Variants in TPRG1 observed in about 807,000 individuals in gnomAD.
TPRG1 encodes tumor protein p63 regulated 1.
In TPRG1, 29 loss-of-function variants were observed where a neutral mutation model predicts 29.3. The observed-to-expected ratio is 0.99, with a 90% CI of 0.74 to 1.35. The LOEUF (loss-of-function observed/expected upper bound fraction) is 1.35. TPRG1 is among the 40% of genes most tolerant of loss of function. The probability of loss-of-function intolerance (pLI) is 0.00; values close to 1 mark genes in which losing one functional copy is unlikely to be tolerated. For synonymous variants in TPRG1, 130 were observed against 116.8 expected, an observed-to-expected ratio of 1.11 and a Z score of -0.73; for missense variants, 327 against 335.0, an observed-to-expected ratio of 0.98 and a Z score of 0.19.
chr3:189,003,468 A>G (rs1019993393), intron 2 of TPRG1, among the ~76,000 whole-genome samples: 1 of 152,172 alleles, frequency 6.6e-6, no homozygotes, highest in African/African-American at 2.4e-5. Flanking sequence ...CTAGGATTCC[A>G]GTTCTGTTCT....
Position 189,320,724 on chromosome 3 carries a change from A to G in TPRG1, c.732A>G (p.Glu244=), listed in dbSNP as rs1435533250. The change falls in exon 6 of 6, where the codon GAA becomes GAG. Residue 244 remains glutamate (E), a synonymous_variant. Coordinates refer to ENST00000345063, the MANE Select transcript of TPRG1 (RefSeq NM_198485.4). ...GRGKKLMVLT[E]PILIETYTGL... The stretch of plus-strand genomic sequence containing the variant: ...GAAAGAAACTGATGGTGTTAACTGA[A>G]CCCATTTTGATTGAGACCTACACAG... The G allele has an allele frequency of 6.4e-7, 1 of 1,574,648 alleles. No homozygotes were observed. Among genetic ancestry groups the G allele is most frequent in the Non-Finnish European group, 8.6e-7 (1 of 1,159,798 alleles).
At chr3:189,036,092 G>A (rs750167186) in intron 4 of TPRG1, among the ~76,000 whole-genome samples, 1 of 151,334 alleles carries the variant, frequency 6.6e-6, no homozygotes, top group Non-Finnish European at 1.5e-5. Flanking sequence ...ATGCACCTAT[G>A]AAAAAAAACA....
rs527965001 is a variant in TPRG1, at chr3:189,282,329, T to G, written c.480-28057T>G. 3.3e-5 allele frequency among the ~76,000 whole-genome samples: 5 copies of G among 152,008 alleles called. No homozygotes were observed. In the South Asian group the frequency reaches 8.3e-4, roughly 25 times the overall value. The stretch of plus-strand genomic sequence containing the variant: ...CAGGTGCTCCATAAGTCATATCTTG[T>G]AGGCGTTTGTTCTTTCAGCAAGCCA... On this transcript the variant is annotated intron_variant, in intron 4 of 5. Transcript: ENST00000345063.
intron 4 of TPRG1, among the ~76,000 whole-genome samples, chr3:189,274,353 A>G (rs1171954291): frequency 1.3e-5 from 2 of 152,194 alleles, no homozygotes; most frequent in African/African-American, 4.8e-5. Context: ...GTCCAGTTAC[A>G]TAAAATATTA....
chr3:189,094,330 T>C (rs942684005), intron 4 of TPRG1, among the ~76,000 whole-genome samples: 5 of 152,130 alleles, frequency 3.3e-5, no homozygotes, highest in Non-Finnish European at 7.4e-5. Context: ...TGAAGAGATG[T>C]TCTCCAGTAC....
At chr3:189,109,779 A>G (rs1720288300) in intron 1 of TPRG1, among the ~76,000 whole-genome samples, 1 of 152,154 alleles carries the variant, frequency 6.6e-6, no homozygotes, top group Non-Finnish European at 1.5e-5. Context: ...AACCACCACA[A>G]TCAACATGTA....
chr3:189,198,032 A>G (rs550987360), intron 1 of TPRG1, among the ~76,000 whole-genome samples: 1 of 152,348 alleles, frequency 6.6e-6, no homozygotes, highest in South Asian at 2.1e-4. Context: ...AGAAGCGAAT[A>G]CAGAGAAAGT....
chr3:189,064,983 G>A (rs1716343328), intron 4 of TPRG1, among the ~76,000 whole-genome samples: 1 of 152,112 alleles, frequency 6.6e-6, no homozygotes. Flanking sequence ...GAGATTAGGA[G>A]TTTGAGACCA....
At chr3:189,235,576 G>A (rs78207250) in intron 3 of TPRG1, among the ~76,000 whole-genome samples, 2,573 of 152,168 alleles carry the variant, frequency 0.017, 78 homozygotes, top group African/African-American at 0.059. Context: ...GGACAAGGGC[G>A]GAAAAAGACA....
chr3:189,289,919 T>C (rs540233622), intron 4 of TPRG1, among the ~76,000 whole-genome samples: 3 of 152,214 alleles, frequency 2.0e-5, no homozygotes, highest in Non-Finnish European at 4.4e-5. Flanking sequence ...AAACATGCCA[T>C]ATCTACCTGA....
Position 189,313,779 on chromosome 3 carries a change from G to C in TPRG1, c.633+3240G>C, listed in dbSNP as rs556029810. On this transcript the variant is annotated intron_variant, in intron 5 of 5. Coordinates refer to ENST00000345063, the MANE Select transcript of TPRG1 (RefSeq NM_198485.4). ...TTTGTGGAAGGCAGTGCTTAACAGG[G>C]GAGGCAGATAAAAATGCAAATATTT... is the stretch of plus-strand genomic sequence containing the variant. Among the ~76,000 whole-genome samples, 9 of 152,152 alleles carry C rather than the reference G, an allele frequency of 5.9e-5. No individual in the cohort carries two copies. The South Asian group carries it at 1.9e-3, about 32-fold the overall frequency.
At chr3:189,192,452 G>A (rs1271514993) in intron 1 of TPRG1, among the ~76,000 whole-genome samples, 2 of 152,210 alleles carry the variant, frequency 1.3e-5, no homozygotes, top group African/African-American at 2.4e-5. Context: ...TACTAGTGAA[G>A]AGGATGTGAA....
chr3:189,301,696 C>T (rs749834705), intron 4 of TPRG1, among the ~76,000 whole-genome samples: 1 of 152,198 alleles, frequency 6.6e-6, no homozygotes, highest in Non-Finnish European at 1.5e-5. Context: ...GGCCCAGCCC[C>T]ACTCTTGGCC....
intron 1 of TPRG1, among the ~76,000 whole-genome samples, chr3:189,119,035 G>A (rs4398422): frequency 0.43 from 65,816 of 152,184 alleles, 19,229 homozygotes; most frequent in African/African-American, 0.82. Flanking sequence ...CAGGCACTCA[G>A]TGGCAGCCCA....
At chr3:189,195,977 AAGAGT>A (rs1034074413) in intron 1 of TPRG1, among the ~76,000 whole-genome samples, 1 of 152,110 alleles carries the variant, frequency 6.6e-6, no homozygotes, top group African/African-American at 2.4e-5. Context: ...TGTCTTTGTA[AAGAGT>A]AGAGTGCTAG....
Position 189,317,180 on chromosome 3 carries a change from G to A in TPRG1, c.634-3446G>A, listed in dbSNP as rs550103526. ...GTAATCCAACTGGACAAGATTTACTGATCTATGAAAAGGCATCCTGATAAT... is the reference window on the plus strand; with the variant it reads ...GTAATCCAACTGGACAAGATTTACTAATCTATGAAAAGGCATCCTGATAAT... On this transcript the variant is annotated intron_variant, in intron 5 of 5. Transcript: ENST00000345063. Among the ~76,000 whole-genome samples the A allele has an allele frequency of 6.6e-5, 10 of 152,286 alleles. 1 individual carries two copies. In the South Asian group the frequency reaches 1.7e-3, roughly 25 times the overall value.
At chr3:189,128,212 G>C (rs1343628596) in intron 2 of TPRG1, among the ~76,000 whole-genome samples, 1 of 152,326 alleles carries the variant, frequency 6.6e-6, no homozygotes, top group Admixed American at 6.5e-5. Flanking sequence ...AGAGTCTTGT[G>C]ATAGATGAAC....
chr3:189,292,867 A>G (rs1719244930), intron 4 of TPRG1, among the ~76,000 whole-genome samples: 1 of 152,136 alleles, frequency 6.6e-6, no homozygotes, highest in Non-Finnish European at 1.5e-5. Flanking sequence ...GAAGGCTAGG[A>G]AGCATTGTTT....
intron 3 of TPRG1, among the ~76,000 whole-genome samples, chr3:189,014,487 G>A (rs1219300191): frequency 2.6e-5 from 4 of 151,974 alleles, no homozygotes; most frequent in Non-Finnish European, 4.4e-5. Flanking sequence ...GATGTGTCTT[G>A]GGGTAATCTT....
Sources: allele counts gnomAD v4.1 joint callset (sites outside exome capture counted in the v4.1 genomes callset), GRCh38; gene constraint gnomAD v4.1.1; transcripts MANE v1.5; gene names NCBI Gene and HGNC (gene_info 2026-07-23, HGNC 2026-07-21).